ZNF800: variants seen among roughly 807,000 people sequenced by gnomAD.
The protein encoded by ZNF800 is zinc finger protein 800.
A neutral mutation model predicts 59.5 loss-of-function variants in ZNF800; 13 were observed. That is an observed-to-expected ratio of 0.22 (90% CI 0.14 to 0.35). The LOEUF (loss-of-function observed/expected upper bound fraction) is 0.35. Ranked by LOEUF, ZNF800 falls within the 10% of genes least tolerant of loss-of-function variation. The probability of loss-of-function intolerance (pLI) is 1.00; values close to 1 mark genes in which losing one functional copy is unlikely to be tolerated. For synonymous variants in ZNF800, 266 were observed against 265.7 expected, an observed-to-expected ratio of 1.00 and a Z score of -0.01; for missense variants, 621 against 783.7, an observed-to-expected ratio of 0.79 and a Z score of 2.48.
downstream of ZNF800, among the ~76,000 whole-genome samples, chr7:127,343,390 T>C (rs1426284326): frequency 3.3e-5 from 5 of 151,412 alleles, no homozygotes; most frequent in Admixed American, 3.3e-4. Context: ...CAGAGAAAAA[T>C]ATTTTTAATT....
chr7:127,356,877 T>G (rs1298251816), intron 1 of ZNF800, among the ~76,000 whole-genome samples: 2 of 152,062 alleles, frequency 1.3e-5, no homozygotes, highest in African/African-American at 4.8e-5. Flanking sequence ...TTGACTTCAG[T>G]TTTTAGGAGT....
At chr7:127,343,298 A>G (rs1800000801), downstream of ZNF800, among the ~76,000 whole-genome samples, 1 of 151,792 alleles carries the variant, frequency 6.6e-6, no homozygotes, top group Admixed American at 6.6e-5. Context: ...TGGTTCCTTA[A>G]AAAGACTGGC....
In ZNF800 at chr7:127,392,047, G is replaced by A. The variant is rs1801342522; in HGVS notation, c.-59+13C>T. On this transcript the variant is annotated intron_variant, in intron 1 of 5. Transcript: ENST00000265827. ...GGAGACCCCGTCCCCACAACCAAGT[G>A]CGCCCAACTTACTCAACTCTTAGGG... 1 of 389,088 alleles carries A rather than the reference G, an allele frequency of 2.6e-6. No homozygotes were observed. The highest frequency in any genetic ancestry group is 4.5e-6 in the Non-Finnish European group (1 of 220,078). 24.1% of individuals were successfully genotyped at this position (389,088 alleles called of 1,614,324 possible).
chr7:127,360,823 T>C (rs1204442188), intron 1 of ZNF800: 1 of 152,162 alleles, frequency 6.6e-6, no homozygotes, highest in African/African-American at 2.4e-5. Context: ...AAATGTGTAC[T>C]TGGAGTATAA....
chr7:127,379,859 C>CCCCCCCCCCCCCCCCCCCCCCCCCCCA (rs1554377179), intron 3 of ZNF800, among the ~76,000 whole-genome samples: 1 of 78,950 alleles, frequency 1.3e-5, no homozygotes, highest in African/African-American at 5.1e-5. Context: ...CCCACCCCCC[C>CCCCCCCCCCCCCCCCCCCCCCCCCCCA]CACACACACA....
At chr7:127,367,902 T>A (rs1800547031), downstream of ZNF800, among the ~76,000 whole-genome samples, 1 of 152,126 alleles carries the variant, frequency 6.6e-6, no homozygotes, top group Non-Finnish European at 1.5e-5. Flanking sequence ...CCTCCAACTT[T>A]GGGCATTTTC....
intron 5 of ZNF800, chr7:127,372,710 G>A: frequency 1.0e-6 from 1 of 985,076 alleles, no homozygotes; most frequent in African/African-American, 1.7e-5. Context: ...CCAAGGAGAA[G>A]GAAAAAAAAT....
intron 3 of ZNF800, among the ~76,000 whole-genome samples, chr7:127,379,852 A>ACCCCCCCCCCCCCCCCCC (rs1562907479): frequency 2.5e-4 from 4 of 16,190 alleles, no homozygotes; most frequent in Admixed American, 7.5e-4. Context: ...CCACCCCCCC[A>ACCCCCCCCCCCCCCCCCC]CCCCCCCCAC....
In ZNF800 at chr7:127,392,435, C is replaced by G; in HGVS notation, c.-434G>C. ...GGAGCGGGCAGGACCTGAGGCTTCC[C>G]TCGCCGGGGCAACGGCTGCCGCCGC... On this transcript the variant is annotated 5_prime_UTR_variant, in exon 1 of 6. Coordinates refer to ENST00000265827, the MANE Select transcript of ZNF800 (RefSeq NM_176814.5). 5.3e-6 allele frequency: 2 copies of G among 374,880 alleles called. No individual in the cohort carries two copies. Among genetic ancestry groups the G allele is most frequent in the Middle Eastern group, 1.4e-3 (2 of 1,478 alleles). The allele number at this position is 374,880 out of a possible 1,614,324, so 23.2% of individuals were successfully genotyped here. A position where few individuals can be genotyped will look rare whatever the true frequency, so the allele number is the denominator to read the frequency against.
chr7:127,348,560 G>T (rs542999702), intron 1 of ZNF800, among the ~76,000 whole-genome samples: 4 of 152,030 alleles, frequency 2.6e-5, no homozygotes, highest in Non-Finnish European at 5.9e-5. Context: ...ATATGGAAAA[G>T]AATTGATACT....
chr7:127,391,573 C>T lies in ZNF800; in HGVS notation c.-16G>A. On this transcript the variant is annotated 5_prime_UTR_variant, in exon 2 of 6. Coordinates refer to ENST00000265827, the MANE Select transcript of ZNF800 (RefSeq NM_176814.5). Reference sequence around the variant, plus strand: ...TTAAAGGCATTTTCAGTGGACTCGACCTACTTTGCTTTCACTGTAAGAAGC... The same window carrying T: ...TTAAAGGCATTTTCAGTGGACTCGATCTACTTTGCTTTCACTGTAAGAAGC... The T allele has an allele frequency of 6.2e-7, 1 of 1,613,696 alleles. No individual in the cohort carries two copies.
chr7:127,384,290 G>A lies in ZNF800; in HGVS notation c.157+1770C>T, dbSNP rs1325672778. ...ACTCTTTCCTCCAGGCCGGACTGCA[G>A]TGGCGCTATCTTGGCTCACTGCAAG... On this transcript the variant is annotated intron_variant, in intron 3 of 5. Transcript: ENST00000265827. 2.3e-5 allele frequency among the ~76,000 whole-genome samples: 3 copies of A among 128,266 alleles called. No homozygotes were observed. The East Asian group carries it at 7.5e-4, about 32-fold the overall frequency. The allele number at this position is 128,266 out of a possible 152,430, so 84.1% of individuals were successfully genotyped here.
exon 2 of ZNF800, chr7:127,347,098 GGA>G (rs375585901): frequency 6.6e-6 from 1 of 152,552 alleles, no homozygotes; most frequent in Non-Finnish European, 1.5e-5. Context: ...CCGTGGAGCA[GGA>G]GATCTGAGAG....
downstream of ZNF800, among the ~76,000 whole-genome samples, chr7:127,345,921 G>T (rs995251262): frequency 6.6e-6 from 1 of 152,160 alleles, no homozygotes; most frequent in Non-Finnish European, 1.5e-5. Flanking sequence ...TGGAGAAGAC[G>T]TGCACGAGGG....
intron 1 of ZNF800, among the ~76,000 whole-genome samples, chr7:127,357,618 G>A (rs1236876004): frequency 6.6e-6 from 1 of 151,824 alleles, no homozygotes; most frequent in East Asian, 1.9e-4. Context: ...AATCTTATTT[G>A]GTCCAAGAAC....
chr7:127,352,846 C>T (rs947225537), intron 1 of ZNF800, among the ~76,000 whole-genome samples: 4 of 152,156 alleles, frequency 2.6e-5, no homozygotes, highest in Admixed American at 2.0e-4. Flanking sequence ...GGGAGGCCAG[C>T]CTGCCCTCTG....
At chr7:127,387,917 A>ACACACAC (rs1801187232) in intron 2 of ZNF800, among the ~76,000 whole-genome samples, 1 of 147,730 alleles carries the variant, frequency 6.8e-6, no homozygotes, top group African/African-American at 2.5e-5. Flanking sequence ...ATTAATTAAG[A>ACACACAC]ACACACACAC....
At chr7:127,379,899 A>C (rs1316385687) in intron 3 of ZNF800, among the ~76,000 whole-genome samples, 1 of 129,400 alleles carries the variant, frequency 7.7e-6, no homozygotes, top group Non-Finnish European at 1.6e-5. Context: ...AGAGGGAGAG[A>C]GAGCGCAAGT....
intron 3 of ZNF800, among the ~76,000 whole-genome samples, chr7:127,381,615 C>T (rs1171420844): frequency 5.9e-5 from 9 of 151,932 alleles, no homozygotes; most frequent in South Asian, 2.1e-4. Flanking sequence ...ATGAAAGATA[C>T]GGTCTTTCCC....
Sources: gnomAD v4.1 joint callset for allele counts (sites outside exome capture counted in the v4.1 genomes callset) on GRCh38, gnomAD v4.1.1 for gene constraint, MANE v1.5 for transcripts, NCBI Gene and HGNC (gene_info 2026-07-23, HGNC 2026-07-21) for gene names.